KL: variants seen among roughly 807,000 people sequenced by gnomAD.
KL encodes alpha-klotho.
A neutral mutation model predicts 84.2 loss-of-function variants in KL; 62 were observed. The ratio of observed to expected loss-of-function variants is 0.74; its 90% CI spans 0.60 to 0.91. The LOEUF is 0.91. Among genes scored for constraint, KL ranks in the 40% least tolerant of loss-of-function variants. The probability of loss-of-function intolerance (pLI) is 0.00; values close to 1 mark genes in which losing one functional copy is unlikely to be tolerated. For missense variants in KL, 1,261 were observed against 1,305.7 expected (o/e 0.97, Z 0.53); for synonymous variants, 528 against 528.0 (o/e 1.00, Z 0.00).
intron 1 of KL, among the ~76,000 whole-genome samples, chr13:33,023,538 T>C (rs1870648281): frequency 6.6e-6 from 1 of 152,216 alleles, no homozygotes; most frequent in Admixed American, 6.5e-5. Context: ...TGAAATAACG[T>C]ATTTTTACAT....
chr13:33,025,060 A>G (rs525014), intron 1 of KL, among the ~76,000 whole-genome samples: 89,584 of 151,996 alleles, frequency 0.59, 28,286 homozygotes, highest in Middle Eastern at 0.72. Flanking sequence ...GTCAGAAAAG[A>G]GGGATAAGGT....
At chr13:33,041,391 C>G (rs1156244272) in intron 1 of KL, among the ~76,000 whole-genome samples, 1 of 138,454 alleles carries the variant, frequency 7.2e-6, no homozygotes, top group Non-Finnish European at 1.6e-5. Context: ...CAGTTTTTGC[C>G]ATTACTTTTT....
chr13:33,037,635 C>G (rs1363501588), intron 1 of KL, among the ~76,000 whole-genome samples: 3 of 152,162 alleles, frequency 2.0e-5, no homozygotes, highest in African/African-American at 7.2e-5. Context: ...TCCTTTGACT[C>G]TGGCTTTATC....
At chr13:33,063,748 G>C (rs1478400504) in intron 4 of KL, 101 bp from the exon 5 acceptor site, 4 of 1,060,162 alleles carry the variant, frequency 3.8e-6, no homozygotes, top group Middle Eastern at 2.0e-4. Flanking sequence ...TTGCACTCCA[G>C]CCTGTGTGAC....
intron 1 of KL, among the ~76,000 whole-genome samples, chr13:33,040,784 G>C (rs1439215747): frequency 6.6e-6 from 1 of 152,108 alleles, no homozygotes; most frequent in Non-Finnish European, 1.5e-5. Context: ...CTGAGTACCA[G>C]GCATCTTCAT....
At chr13:33,036,759 T>C (rs946916194) in intron 1 of KL, among the ~76,000 whole-genome samples, 1 of 152,216 alleles carries the variant, frequency 6.6e-6, no homozygotes, top group Admixed American at 6.5e-5. Flanking sequence ...TGATAGTTCA[T>C]AATAAATGCT....
chr13:33,032,575 G>T (rs1871010666), intron 1 of KL, among the ~76,000 whole-genome samples: 1 of 152,060 alleles, frequency 6.6e-6, no homozygotes, highest in Admixed American at 6.6e-5. Context: ...GAAGTGGTAT[G>T]GACTTCTTTT....
intron 1 of KL, among the ~76,000 whole-genome samples, chr13:33,050,821 A>G (rs773164519): frequency 2.6e-5 from 4 of 152,210 alleles, no homozygotes; most frequent in Non-Finnish European, 2.9e-5. Flanking sequence ...ATAATCAACT[A>G]CTTAAAAGAC....
intron 1 of KL, among the ~76,000 whole-genome samples, chr13:33,018,394 G>A (rs973251470): frequency 1.3e-5 from 2 of 152,208 alleles, no homozygotes; most frequent in African/African-American, 4.8e-5. Flanking sequence ...TATGGGCAGA[G>A]CAGTACTGGG....
intron 3 of KL, among the ~76,000 whole-genome samples, chr13:33,058,404 G>C (rs1057143335): frequency 2.7e-5 from 4 of 150,140 alleles, no homozygotes; most frequent in African/African-American, 9.8e-5. Flanking sequence ...GCAGTGGCGT[G>C]ATCTCGGCTC....
chr13:33,044,635 ATTTTCTTTTTTTTTTTTTT>A (rs1432117019), intron 1 of KL, among the ~76,000 whole-genome samples: 15 of 72,316 alleles, frequency 2.1e-4, no homozygotes, highest in African/African-American at 2.5e-4. Context: ...AATGCAATTG[ATTTTCTTTTTTTTTTTTTT>A]TTTTTTTTTT....
Position 33,060,836 on chromosome 13 carries a change from A to G in KL, c.1757A>G (p.Gln586Arg), listed in dbSNP as rs1340959367. 1.2e-6 allele frequency: 2 copies of G among 1,614,106 alleles called. No individual in the cohort carries two copies. The highest frequency in any genetic ancestry group is 1.3e-5 in the African/African-American group (1 of 74,938). The change falls in exon 4 of 5, where the codon CAG (glutamine) becomes CGG (arginine). Residue 586 changes from glutamine to arginine, a missense_variant. Physicochemically the swap from Gln to Arg is conservative, Grantham distance 43 (BLOSUM62 1). Coordinates refer to ENST00000380099, the MANE Select transcript of KL (RefSeq NM_004795.4). Reference protein sequence around the residue: ...AAIQPQIALLQEMHVTHFRFS... With the variant: ...AAIQPQIALLREMHVTHFRFS... ...ATCCAGCCCCAGATCGCTTTACTCC[A>G]GGAAATGCACGTTACACATTTTCGC...
In KL at chr13:33,017,326, G is replaced by T. The variant is rs9315201; in HGVS notation, c.819+67G>T. The T allele has an allele frequency of 0.029, 40,381 of 1,388,028 alleles. 740 individuals are homozygous for T. Among genetic ancestry groups the T allele is most frequent in the Middle Eastern group, 0.07 (305 of 4,384 alleles). 86.0% of individuals were successfully genotyped at this position (1,388,028 alleles called of 1,614,324 possible). A position where few individuals can be genotyped will look rare whatever the true frequency, so the allele number is the denominator to read the frequency against. ...AGAGGGCCTCCACAGGGGCCAGGGGGAAGTGTGGGAACTGAGTCTCCCCCA... is the reference window on the plus strand; with the variant it reads ...AGAGGGCCTCCACAGGGGCCAGGGGTAAGTGTGGGAACTGAGTCTCCCCCA... On this transcript the variant is annotated intron_variant, in intron 1 of 4. Coordinates refer to ENST00000380099, the MANE Select transcript of KL (RefSeq NM_004795.4).
chr13:33,060,004 C>T (rs576491117), intron 3 of KL, among the ~76,000 whole-genome samples: 91 of 152,290 alleles, frequency 6.0e-4, no homozygotes, highest in Middle Eastern at 6.8e-3. Flanking sequence ...TGCTCTGTCA[C>T]TGAGGCCGAT....
chr13:33,017,645 C>G (rs1225588627), intron 1 of KL, among the ~76,000 whole-genome samples: 6 of 152,116 alleles, frequency 3.9e-5, no homozygotes, highest in Admixed American at 3.9e-4. Context: ...GTTCTTAAGC[C>G]GCACAGATAG....
rs1478984979 is a variant in KL, at chr13:33,061,308, A to G, written c.2229A>G (p.Gln743=). The G allele has an allele frequency of 1.2e-6, 2 of 1,614,198 alleles. No homozygotes were observed. The highest frequency in any genetic ancestry group is 1.1e-5 in the South Asian group (1 of 91,082). The change falls in exon 4 of 5, where the codon CAA becomes CAG. Residue 743 remains glutamine, a synonymous_variant. Transcript: ENST00000380099. ...DWIEPACPFS[Q]KDKEVAERVL... ...TAGAACCTGCCTGCCCTTTCTCCCA[A>G]AAGGACAAAGAGGTGGCTGAGAGAG... is the stretch of plus-strand genomic sequence containing the variant.
chr13:33,039,063 T>C (rs1332125177), intron 1 of KL, among the ~76,000 whole-genome samples: 1 of 152,222 alleles, frequency 6.6e-6, no homozygotes, highest in Non-Finnish European at 1.5e-5. Context: ...TCCTGTCTTA[T>C]GTGTATTTAT....
At chr13:33,051,934 GT>G (rs1871763650) in intron 1 of KL, among the ~76,000 whole-genome samples, 1 of 152,140 alleles carries the variant, frequency 6.6e-6, no homozygotes, top group Admixed American at 6.5e-5. Context: ...TGGATTTTAT[GT>G]TTAACTGTTG....
At chr13:33,063,614 A>G (rs2138246875) in intron 4 of KL, among the ~76,000 whole-genome samples, 1 of 152,014 alleles carries the variant, frequency 6.6e-6, no homozygotes, top group East Asian at 1.9e-4. Context: ...CTACTAAAAA[A>G]AAAAATACAA....
Sources: allele counts gnomAD v4.1 joint callset (sites outside exome capture counted in the v4.1 genomes callset), GRCh38; gene constraint gnomAD v4.1.1; transcripts MANE v1.5; gene names NCBI Gene and HGNC (gene_info 2026-07-23, HGNC 2026-07-21).